Variants in FAM98B observed in about 807,000 individuals in gnomAD.
FAM98B encodes the protein tRNA-splicing ligase complex subunit FAM98B.
Under a neutral mutation model 43.9 loss-of-function variants are expected in FAM98B, and 32 were observed. The observed-to-expected ratio is 0.73, with a 90% CI of 0.55 to 0.98. The LOEUF (loss-of-function observed/expected upper bound fraction) is 0.98. Ranked by LOEUF, FAM98B falls within the 50% of genes least tolerant of loss-of-function variation. The pLI, the probability that FAM98B is intolerant of heterozygous loss-of-function variation, is 0.00. For missense variants in FAM98B, 514 were observed against 522.9 expected, an observed-to-expected ratio of 0.98 and a Z score of 0.17; for synonymous variants, 190 against 174.0, an observed-to-expected ratio of 1.09 and a Z score of -0.72.
chr15:38,484,444 G>A lies in FAM98B; in HGVS notation c.1087G>A (p.Gly363Arg). 1.0e-6 allele frequency: 1 copy of A among 953,036 alleles called. No homozygotes were observed. The highest frequency in any genetic ancestry group is 1.3e-6 in the Non-Finnish European group (1 of 795,312). The allele number at this position is 953,036 out of a possible 1,614,324, so 59.0% of individuals were successfully genotyped here. ...TGGGAGAGGTGGCTGGGGGGGTGGA[G>A]GAGGAGGTTGGGGAGGTGGTGGGGG... ...GGGRGGWGGG[G>R]GGWGGGGGGG... Residue 363 changes from glycine (G) to arginine (R), a missense_variant, in exon 8 of 8, where the codon GGA becomes AGA. By Grantham distance (125) the Gly-to-Arg change is moderately radical. Around this residue, in one of 2 missense-constraint regions of FAM98B, gnomAD observed 469 missense variants for 451.8 expected, o/e 1.04. Coordinates refer to ENST00000397609, the MANE Select transcript of FAM98B (RefSeq NM_173611.4).
intron 1 of FAM98B, among the ~76,000 whole-genome samples, chr15:38,457,396 A>C (rs886698397): frequency 6.6e-6 from 1 of 152,210 alleles, no homozygotes; most frequent in Non-Finnish European, 1.5e-5. Flanking sequence ...ATACAGAAGA[A>C]TGTGAAGATA....
intron 7 of FAM98B, among the ~76,000 whole-genome samples, chr15:38,483,909 C>T (rs530137855): frequency 2.5e-4 from 38 of 151,862 alleles, no homozygotes; most frequent in African/African-American, 7.0e-4. Context: ...AGTGATCAGA[C>T]GGGGTGATTG....
At chr15:38,475,205 G>A (rs1890178705) in intron 6 of FAM98B, among the ~76,000 whole-genome samples, 1 of 152,038 alleles carries the variant, frequency 6.6e-6, no homozygotes, top group South Asian at 2.1e-4. Context: ...ATGGAGGGTT[G>A]GGGGGCAGGG....
intron 1 of FAM98B, among the ~76,000 whole-genome samples, chr15:38,457,846 T>C (rs551434869): frequency 6.6e-6 from 1 of 152,222 alleles, no homozygotes; most frequent in East Asian, 1.9e-4. Flanking sequence ...AGAGCAGTGA[T>C]AATGATGCTA....
chr15:38,468,330 C>T (rs967938491), intron 3 of FAM98B, among the ~76,000 whole-genome samples: 2 of 152,034 alleles, frequency 1.3e-5, no homozygotes, highest in South Asian at 2.1e-4. Flanking sequence ...GGAGCTCAAG[C>T]GATCCTCTCA....
rs1459010308 is a variant in FAM98B at position 38,481,279 on chromosome 15, T to C, written c.730-13T>C. On this transcript the variant is annotated splice_polypyrimidine_tract_variant and intron_variant, in intron 6 of 7. Coordinates refer to ENST00000397609, the MANE Select transcript of FAM98B (RefSeq NM_173611.4). ...TACTTTTGTTCCTTTTTTCCTTAACTCTTGTCATTTAGGTAAAAACAGATG... is the reference window on the plus strand; with the variant it reads ...TACTTTTGTTCCTTTTTTCCTTAACCCTTGTCATTTAGGTAAAAACAGATG... 1.2e-6 allele frequency: 2 copies of C among 1,603,350 alleles called. No homozygotes were observed. The highest frequency in any genetic ancestry group is 8.5e-7 in the Non-Finnish European group (1 of 1,170,824).
At chr15:38,468,360 G>A (rs979281657) in intron 3 of FAM98B, among the ~76,000 whole-genome samples, 9 of 151,974 alleles carry the variant, frequency 5.9e-5, no homozygotes, top group Admixed American at 3.3e-4. Flanking sequence ...GCATAACTGG[G>A]ACTACAGGCG....
intron 3 of FAM98B, among the ~76,000 whole-genome samples, chr15:38,467,448 A>T (rs1421766486): frequency 3.3e-5 from 5 of 152,208 alleles, no homozygotes; most frequent in Non-Finnish European, 7.4e-5. Context: ...GCATGACAAG[A>T]TGCACAATAT....
At chr15:38,456,416 C>G (rs1488349502) in intron 1 of FAM98B, among the ~76,000 whole-genome samples, 1 of 152,170 alleles carries the variant, frequency 6.6e-6, no homozygotes, top group Non-Finnish European at 1.5e-5. Flanking sequence ...AAAAGATTCA[C>G]AGACTCAGTT....
intron 6 of FAM98B, among the ~76,000 whole-genome samples, chr15:38,480,878 G>A (rs1890272056): frequency 6.6e-6 from 1 of 151,634 alleles, no homozygotes. Context: ...GTTAATTTGG[G>A]GGAAAACTGA....
chr15:38,484,936 A>C lies in FAM98B; in HGVS notation c.*277A>C. 1 of 340,806 alleles carries C rather than the reference A, an allele frequency of 2.9e-6. No individual in the cohort carries two copies. The highest frequency in any genetic ancestry group is 5.2e-5 in the Admixed American group (1 of 19,280). The allele number at this position is 340,806 out of a possible 1,614,324, so 21.1% of individuals were successfully genotyped here. A position where few individuals can be genotyped will look rare whatever the true frequency, so the allele number is the denominator to read the frequency against. ...GAACAAAAATTATTTTTTAAAATGT[A>C]AATATTTATTACCATCAGACTTGGA... On this transcript the variant is annotated 3_prime_UTR_variant, in exon 8 of 8. Coordinates refer to ENST00000397609, the MANE Select transcript of FAM98B (RefSeq NM_173611.4).
intron 4 of FAM98B, among the ~76,000 whole-genome samples, chr15:38,471,592 A>G (rs12912109): frequency 0.1 from 15,458 of 152,106 alleles, 873 homozygotes; most frequent in South Asian, 0.17. Context: ...ATACTGGCAT[A>G]CTAATTATAA....
intron 3 of FAM98B, among the ~76,000 whole-genome samples, chr15:38,469,002 T>G (rs1042058526): frequency 5.9e-5 from 9 of 152,106 alleles, no homozygotes; most frequent in Admixed American, 1.3e-4. Flanking sequence ...CGCCTCTGGG[T>G]TCAAGCAATT....
At chr15:38,454,375 G>A in intron 1 of FAM98B, 143 bp downstream of exon 1, 3 of 818,836 alleles carry the variant, frequency 3.7e-6, no homozygotes, top group African/African-American at 1.8e-5. Flanking sequence ...CGGCGCCGAC[G>A]GAGTTAAGCG....
intron 1 of FAM98B, among the ~76,000 whole-genome samples, chr15:38,461,498 G>A (rs1468208316): frequency 6.6e-6 from 1 of 151,872 alleles, no homozygotes; most frequent in Non-Finnish European, 1.5e-5. Context: ...TACAGAATTA[G>A]GATAATGCTA....
intron 6 of FAM98B, 46 bp downstream of exon 6, chr15:38,474,344 C>A: frequency 1.5e-6 from 2 of 1,321,578 alleles, no homozygotes; most frequent in Non-Finnish European, 2.2e-6. Context: ...TAGCCTATAA[C>A]AGCTCTTCTG....
Position 38,479,119 on chromosome 15 carries a change from T to A in FAM98B, c.730-2173T>A, listed in dbSNP as rs554662238. Reference sequence around the variant, plus strand: ...GACTACAGACGTGTGCCACCACACCTGGCTAATTAAAAATTTTGTTTTATT... The same window carrying A: ...GACTACAGACGTGTGCCACCACACCAGGCTAATTAAAAATTTTGTTTTATT... On this transcript the variant is annotated intron_variant, in intron 6 of 7. Coordinates refer to ENST00000397609, the MANE Select transcript of FAM98B (RefSeq NM_173611.4). 9.9e-4 allele frequency among the ~76,000 whole-genome samples: 150 copies of A among 152,164 alleles called. 2 individuals carry two copies. Among genetic ancestry groups the A allele is most frequent in the Non-Finnish European group, 4.7e-4 (32 of 68,012 alleles).
At chr15:38,459,285 TC>T in intron 1 of FAM98B, 3 of 495,570 alleles carry the variant, frequency 6.1e-6, no homozygotes, top group Non-Finnish European at 4.0e-6. Flanking sequence ...GGCAGACACG[TC>T]CCTGGGATCC....
At chr15:38,473,404 ATATTT>A in intron 4 of FAM98B, 96 bp from the exon 5 acceptor site, 1 of 737,266 alleles carries the variant, frequency 1.4e-6, no homozygotes, top group South Asian at 2.2e-5. Context: ...TGTCACTTTA[ATATTT>A]TATTCTGTAG....
Sources: gnomAD v4.1 joint callset for allele counts (sites outside exome capture counted in the v4.1 genomes callset) on GRCh38, gnomAD v4.1.1 for gene constraint, gnomAD v4.1.1 regional missense constraint, MANE v1.5 for transcripts, NCBI Gene and HGNC (gene_info 2026-07-23, HGNC 2026-07-21) for gene names.